ERI1: variants seen among roughly 807,000 people sequenced by gnomAD.
The protein encoded by ERI1 is exoribonuclease 1.
In ERI1, 39 loss-of-function variants were observed where a neutral mutation model predicts 39.7. That is an observed-to-expected ratio of 0.98 (90% CI 0.76 to 1.28). ERI1 has a LOEUF of 1.28. ERI1 is among the 50% of genes most tolerant of loss of function. ERI1 has a pLI of 0.00. For missense variants in ERI1, 581 were observed against 416.9 expected, an observed-to-expected ratio of 1.39 and a Z score of -3.43; for synonymous variants, 204 against 149.6, an observed-to-expected ratio of 1.36 and a Z score of -2.65.
Position 9,051,533 on chromosome 8 carries a change from T to A in ERI1, n.299+31069T>A, listed in dbSNP as rs540867512. Among the ~76,000 whole-genome samples, 6 of 152,158 alleles carry A rather than the reference T, an allele frequency of 3.9e-5. No individual in the cohort carries two copies. In the South Asian group the frequency reaches 1.2e-3, roughly 32 times the overall value. Reference sequence around the variant, plus strand: ...TAAGCAGGGCATGGTAGCATGCACCTGTAGTTCCAGCTACTTGGGAGGCTA... The same window carrying A: ...TAAGCAGGGCATGGTAGCATGCACCAGTAGTTCCAGCTACTTGGGAGGCTA... On this transcript the variant is annotated intron_variant and non_coding_transcript_variant, in intron 3 of 3. Coordinates refer to the ERI1 transcript ENST00000518663.
chr8:9,082,121 A>G (rs1010576580), intron 3 of ERI1, among the ~76,000 whole-genome samples: 1 of 152,206 alleles, frequency 6.6e-6, no homozygotes, highest in Non-Finnish European at 1.5e-5. Flanking sequence ...GACTCCAGGA[A>G]GTGAAGTTTA....
In ERI1 at chr8:9,008,117, G is replaced by A. The variant is rs149533035; in HGVS notation, c.256G>A (p.Ala86Thr). The A allele has an allele frequency of 1.3e-5, 20 of 1,598,692 alleles. No individual in the cohort carries two copies. Among genetic ancestry groups the A allele is most frequent in the Non-Finnish European group, 1.7e-5 (20 of 1,174,568 alleles). Residue 86 changes from alanine (A) to threonine (T), a missense_variant, in exon 2 of 7, where the codon GCT becomes ACT. Coordinates refer to ENST00000250263, the MANE Select transcript of ERI1 (RefSeq NM_153332.4). ...TAGAATGAGTAAGGAAGAACTCAGA[G>A]CTAAGCTTTCAGAATTCAAGCTTGA... ...INRMSKEELR[A>T]KLSEFKLETR...
At chr8:9,086,666 C>T (rs1799538449) in intron 3 of ERI1, among the ~76,000 whole-genome samples, 1 of 152,196 alleles carries the variant, frequency 6.6e-6, no homozygotes, top group Non-Finnish European at 1.5e-5. Context: ...CTGTTGGTTT[C>T]AGCACTGTTT....
chr8:9,066,042 T>G (rs1295191043), intron 3 of ERI1, among the ~76,000 whole-genome samples: 1 of 152,150 alleles, frequency 6.6e-6, no homozygotes, highest in African/African-American at 2.4e-5. Context: ...CCTCCTCATC[T>G]TCTGCTTTGC....
intron 3 of ERI1, among the ~76,000 whole-genome samples, chr8:9,070,330 T>C (rs1213621737): frequency 1.3e-5 from 2 of 150,016 alleles, no homozygotes; most frequent in Non-Finnish European, 3.0e-5. Context: ...AAAAATGGAG[T>C]AGTCTAAAGA....
chr8:9,048,754 C>G (rs1798258281), intron 3 of ERI1, among the ~76,000 whole-genome samples: 1 of 152,168 alleles, frequency 6.6e-6, no homozygotes, highest in Admixed American at 6.5e-5. Flanking sequence ...AGGTGATCCT[C>G]CCACCTCAGC....
At chr8:9,049,556 G>T (rs1219545502) in intron 3 of ERI1, among the ~76,000 whole-genome samples, 1 of 145,086 alleles carries the variant, frequency 6.9e-6, no homozygotes, top group African/African-American at 2.5e-5. Flanking sequence ...AAAAAAAAAA[G>T]CATGAAAATA....
downstream of ERI1, among the ~76,000 whole-genome samples, chr8:9,034,930 C>T (rs1306280724): frequency 1.3e-5 from 2 of 152,192 alleles, no homozygotes; most frequent in Non-Finnish European, 2.9e-5. Context: ...AGCCTTATTA[C>T]TGATATGGAG....
chr8:9,090,083 G>A (rs930177245), intron 3 of ERI1, among the ~76,000 whole-genome samples: 2 of 152,166 alleles, frequency 1.3e-5, no homozygotes, highest in Admixed American at 1.3e-4. Context: ...GTGTGCGGAT[G>A]TGCAACCGGG....
At chr8:9,010,065 G>A (rs756045141) in intron 2 of ERI1, among the ~76,000 whole-genome samples, 1 of 152,186 alleles carries the variant, frequency 6.6e-6, no homozygotes, top group South Asian at 2.1e-4. Flanking sequence ...GGTAATGGAG[G>A]CATTTGCCAT....
chr8:9,098,411 T>C (rs542339958), intron 3 of ERI1, among the ~76,000 whole-genome samples: 1 of 152,272 alleles, frequency 6.6e-6, no homozygotes, highest in African/African-American at 2.4e-5. Context: ...TCTCAGCTAC[T>C]TGGGAGGCCG....
chr8:9,039,123 A>G (rs1797941992), intron 3 of ERI1, among the ~76,000 whole-genome samples: 1 of 152,342 alleles, frequency 6.6e-6, no homozygotes, highest in South Asian at 2.1e-4. Flanking sequence ...CTTTACCAAG[A>G]CTATCAAATA....
downstream of ERI1, among the ~76,000 whole-genome samples, chr8:9,035,038 G>T (rs1206392419): frequency 6.6e-6 from 1 of 152,200 alleles, no homozygotes; most frequent in East Asian, 1.9e-4. Context: ...ATTCTGTGAG[G>T]GTTGAGGGAG....
intron 3 of ERI1, among the ~76,000 whole-genome samples, chr8:9,078,706 G>A (rs1262692442): frequency 6.6e-6 from 1 of 152,202 alleles, no homozygotes; most frequent in African/African-American, 2.4e-5. Flanking sequence ...CAGACCTGCT[G>A]AATCAGTGAC....
intron 3 of ERI1, among the ~76,000 whole-genome samples, chr8:9,061,824 C>T (rs1265758300): frequency 6.7e-6 from 1 of 150,188 alleles, no homozygotes; most frequent in Non-Finnish European, 1.5e-5. Context: ...CAGTATAGCC[C>T]AGGTAATTTG....
At chr8:9,010,337 G>A (rs1585190345) in intron 2 of ERI1, among the ~76,000 whole-genome samples, 1 of 151,260 alleles carries the variant, frequency 6.6e-6, no homozygotes, top group Non-Finnish European at 1.5e-5. Context: ...GATAAAAAAA[G>A]AAAGTAATCC....
intron 3 of ERI1, among the ~76,000 whole-genome samples, chr8:9,087,518 A>G (rs1439754326): frequency 6.6e-6 from 1 of 151,154 alleles, no homozygotes; most frequent in Non-Finnish European, 1.5e-5. Flanking sequence ...GGCCTCCTAA[A>G]GTGCTGGGAT....
Position 9,007,966 on chromosome 8 carries a change from GT to G in ERI1, c.109-3del. ...TTTTTTTTTTTTTTTTTTTTTTTTGGTAGGAAACTCAACAGTGTAAATTTGA... is the reference window on the plus strand; with the variant it reads ...TTTTTTTTTTTTTTTTTTTTTTTTGGAGGAAACTCAACAGTGTAAATTTGA... On this transcript the variant is annotated splice_region_variant and splice_polypyrimidine_tract_variant and intron_variant, in intron 1 of 6. Transcript: ENST00000250263. 2 of 966,352 alleles carry G rather than the reference GT, an allele frequency of 2.1e-6. No individual in the cohort carries two copies. The highest frequency in any genetic ancestry group is 2.8e-6 in the Non-Finnish European group (2 of 724,872). 59.9% of individuals were successfully genotyped at this position (966,352 alleles called of 1,614,324 possible).
Position 9,031,185 on chromosome 8 carries a change from T to G in ERI1, c.*1151T>G, listed in dbSNP as rs1797561221. The G allele has an allele frequency of 6.6e-6, 1 of 152,210 alleles. No homozygotes were observed. Among genetic ancestry groups the G allele is most frequent in the African/African-American group, 2.4e-5 (1 of 41,458 alleles). 9.4% of individuals were successfully genotyped at this position (152,210 alleles called of 1,614,324 possible). A position where few individuals can be genotyped will look rare whatever the true frequency, so the allele number is the denominator to read the frequency against. ...CTGCCTTTTACCTTTTAATAAAAAT[T>G]GTGATGCTACTTTATTCTAAAGATT... is the stretch of plus-strand genomic sequence containing the variant. On this transcript the variant is annotated 3_prime_UTR_variant, in exon 7 of 7. Coordinates refer to ENST00000250263, the MANE Select transcript of ERI1 (RefSeq NM_153332.4).
Sources: allele counts gnomAD v4.1 joint callset (sites outside exome capture counted in the v4.1 genomes callset), GRCh38; gene constraint gnomAD v4.1.1; transcripts MANE v1.5; gene names NCBI Gene and HGNC (gene_info 2026-07-23, HGNC 2026-07-21).